Variants in GOLGA1 observed in about 807,000 individuals in gnomAD.
GOLGA1 encodes the protein golgin A1, also known as golgin subfamily A member 1.
A neutral mutation model predicts 119.7 loss-of-function variants in GOLGA1; 63 were observed. The ratio of observed to expected loss-of-function variants is 0.53; its 90% CI spans 0.43 to 0.65. The LOEUF (loss-of-function observed/expected upper bound fraction) is 0.65. Among genes scored for constraint, GOLGA1 ranks in the 30% least tolerant of loss-of-function variants. The probability of loss-of-function intolerance (pLI) is 0.00; values close to 1 mark genes in which losing one functional copy is unlikely to be tolerated. For missense variants in GOLGA1, 798 were observed against 912.8 expected, an observed-to-expected ratio of 0.87 and a Z score of 1.62; for synonymous variants, 318 against 333.4, an observed-to-expected ratio of 0.95 and a Z score of 0.50.
In GOLGA1 at chr9:124,884,883, G is replaced by C. The variant is rs17249612; in HGVS notation, c.1906-2314C>G. ...AGAAACGGCAACAAAAAAGTCAAAAGTTCACCCTCGAGGGGAAAAGAATCA... is the reference window on the plus strand; with the variant it reads ...AGAAACGGCAACAAAAAAGTCAAAACTTCACCCTCGAGGGGAAAAGAATCA... On this transcript the variant is annotated intron_variant, in intron 19 of 22. Coordinates refer to ENST00000373555, the MANE Select transcript of GOLGA1 (RefSeq NM_002077.4). 1.4e-3 allele frequency among the ~76,000 whole-genome samples: 207 copies of C among 152,264 alleles called. 2 individuals carry two copies. Among genetic ancestry groups the C allele is most frequent in the South Asian group, 4.8e-3 (23 of 4,828 alleles).
In GOLGA1 at chr9:124,938,871, A is replaced by C; in HGVS notation, c.-155-5T>G. 1.9e-6 allele frequency: 1 copy of C among 519,174 alleles called. No individual in the cohort carries two copies. Among genetic ancestry groups the C allele is most frequent in the Non-Finnish European group, 3.4e-6 (1 of 297,990 alleles). The allele number at this position is 519,174 out of a possible 1,614,324, so 32.2% of individuals were successfully genotyped here. A position where few individuals can be genotyped will look rare whatever the true frequency, so the allele number is the denominator to read the frequency against. On this transcript the variant is annotated splice_region_variant and splice_polypyrimidine_tract_variant and intron_variant, in intron 2 of 22. Coordinates refer to ENST00000373555, the MANE Select transcript of GOLGA1 (RefSeq NM_002077.4). ...GGGCTTATGGCAACACAGGATCTACAAATCAGATGAAAGAGACAGTTCAAA... is the reference window on the plus strand; with the variant it reads ...GGGCTTATGGCAACACAGGATCTACCAATCAGATGAAAGAGACAGTTCAAA...
intron 3 of GOLGA1, among the ~76,000 whole-genome samples, chr9:124,934,463 G>A (rs1487974884): frequency 6.6e-6 from 1 of 152,172 alleles, no homozygotes; most frequent in South Asian, 2.1e-4. Flanking sequence ...GAATGCAGGA[G>A]TGAAAGGGGA....
At chr9:124,920,368 G>C (rs1830542304) in intron 10 of GOLGA1, among the ~76,000 whole-genome samples, 1 of 151,386 alleles carries the variant, frequency 6.6e-6, no homozygotes. Context: ...CAAAGTGCTA[G>C]GACTACAGGC....
Position 124,879,630 on chromosome 9 carries a change from A to G in GOLGA1, c.*900T>C, listed in dbSNP as rs2131348377. On this transcript the variant is annotated 3_prime_UTR_variant, in exon 23 of 23. Coordinates refer to ENST00000373555, the MANE Select transcript of GOLGA1 (RefSeq NM_002077.4). ...CACACGAGATCCCACTGCACTTCAG[A>G]GGGAGCAGTGCCAGAGTGCGAGTGA... 1 of 151,520 alleles carries G rather than the reference A, an allele frequency of 6.6e-6. No homozygotes were observed. The highest frequency in any genetic ancestry group is 1.9e-4 in the East Asian group (1 of 5,184). 9.4% of individuals were successfully genotyped at this position (151,520 alleles called of 1,614,324 possible). A position where few individuals can be genotyped will look rare whatever the true frequency, so the allele number is the denominator to read the frequency against.
At chr9:124,911,690 T>C (rs1429337283) in intron 11 of GOLGA1, among the ~76,000 whole-genome samples, 3 of 152,008 alleles carry the variant, frequency 2.0e-5, no homozygotes, top group Non-Finnish European at 4.4e-5. Context: ...TATCTCTGAA[T>C]ACAGCTCTCC....
At chr9:124,944,827 CAA>C (rs1320793636), upstream of GOLGA1, 1 of 152,056 alleles carries the variant, frequency 6.6e-6, no homozygotes, top group Non-Finnish European at 1.5e-5. Flanking sequence ...TTACAAATCT[CAA>C]CTTTTAATCA....
Position 124,917,205 on chromosome 9 carries a change from G to T in GOLGA1, c.843+3924C>A, listed in dbSNP as rs547697898. ...CTTACTTCCAAAGGAAAAAGGAATG[G>T]GATGGAATAGTGAAGGGCACAGAGG... On this transcript the variant is annotated intron_variant, in intron 10 of 22. Transcript: ENST00000373555. 5.9e-5 allele frequency among the ~76,000 whole-genome samples: 9 copies of T among 152,238 alleles called. 1 individual carries two copies. Among genetic ancestry groups the T allele is most frequent in the African/African-American group, 2.2e-4 (9 of 41,552 alleles).
rs573683139 is a variant in GOLGA1 at position 124,888,990 on chromosome 9, C to A, written c.1761+153G>T. On this transcript the variant is annotated intron_variant, in intron 18 of 22. Transcript: ENST00000373555. This position sits in a 1 kb window ranked among gnomAD's most constrained non-coding sequence, Gnocchi z 4.4. ...CTGGGATTACAGGCGTGAGCCACTGCGCCTGGCCAAGTGCCCTACTTCAAA... is the reference window on the plus strand; with the variant it reads ...CTGGGATTACAGGCGTGAGCCACTGAGCCTGGCCAAGTGCCCTACTTCAAA... Among the ~76,000 whole-genome samples the A allele has an allele frequency of 2.0e-5, 3 of 152,332 alleles. No individual in the cohort carries two copies. The highest frequency in any genetic ancestry group is 6.5e-5 in the Admixed American group (1 of 15,308).
rs1830047756 is a variant in GOLGA1, at chr9:124,899,296, C to T, written c.1311+33G>A. 10 of 1,522,486 alleles carry T rather than the reference C, an allele frequency of 6.6e-6. No individual in the cohort carries two copies. The East Asian group carries it at 2.2e-4, about 34-fold the overall frequency. 94.3% of individuals were successfully genotyped at this position (1,522,486 alleles called of 1,614,324 possible). On this transcript the variant is annotated intron_variant, in intron 14 of 22. Coordinates refer to ENST00000373555, the MANE Select transcript of GOLGA1 (RefSeq NM_002077.4). ...CTTCGCTGTGGGGGACCCTGGTGCT[C>T]CTGGGCCCACCCTCTCTTAGCTCTT...
At chr9:124,935,967 C>A (rs1012401596) in intron 3 of GOLGA1, among the ~76,000 whole-genome samples, 5 of 152,056 alleles carry the variant, frequency 3.3e-5, no homozygotes, top group African/African-American at 1.2e-4. Context: ...GAGGAGGGAT[C>A]TGTTTGGAGA....
intron 8 of GOLGA1, among the ~76,000 whole-genome samples, chr9:124,922,415 T>C (rs1211738161): frequency 1.3e-5 from 2 of 148,166 alleles, no homozygotes; most frequent in African/African-American, 5.0e-5. Context: ...TAGCCGGGCA[T>C]GGTAGTGCGC....
chr9:124,917,312 T>A (rs1830465886), intron 10 of GOLGA1, among the ~76,000 whole-genome samples: 1 of 152,192 alleles, frequency 6.6e-6, no homozygotes, highest in South Asian at 2.1e-4. Context: ...ATACTTTCTA[T>A]CATACTCATA....
At chr9:124,936,731 G>A (rs1031183916) in intron 3 of GOLGA1, among the ~76,000 whole-genome samples, 2 of 152,168 alleles carry the variant, frequency 1.3e-5, no homozygotes, top group South Asian at 2.1e-4. Context: ...GATTACAGGC[G>A]TGAGCTTCTG....
At chr9:124,939,750 C>A (rs1258647390) in intron 2 of GOLGA1, among the ~76,000 whole-genome samples, 2 of 151,872 alleles carry the variant, frequency 1.3e-5, no homozygotes, top group South Asian at 4.2e-4. Flanking sequence ...TTAGTAGAGA[C>A]GAGGTTTCTC....
Position 124,880,217 on chromosome 9 carries a change from G to GT in GOLGA1, c.*312dup, listed in dbSNP as rs1829543700. On this transcript the variant is annotated 3_prime_UTR_variant, in exon 23 of 23. Transcript: ENST00000373555. ...CTGCCAGATGCTGATGGCTTCAGCT[G>GT]TAAGTGCTACCGTGAAGTTAGAGGA... 4.2e-6 allele frequency: 1 copy of GT among 238,010 alleles called. No homozygotes were observed. Among genetic ancestry groups the GT allele is most frequent in the East Asian group, 1.1e-4 (1 of 9,444 alleles). 14.7% of individuals were successfully genotyped at this position (238,010 alleles called of 1,614,324 possible).
At chr9:124,928,672 CA>C (rs1830716694) in intron 5 of GOLGA1, among the ~76,000 whole-genome samples, 2 of 152,070 alleles carry the variant, frequency 1.3e-5, no homozygotes, top group Admixed American at 1.3e-4. Flanking sequence ...AAAATCAAAA[CA>C]AACAAAAAAC....
rs761337931 is a variant in GOLGA1, at chr9:124,889,587, T to C, written c.1498-51A>G. On this transcript the variant is annotated intron_variant, in intron 16 of 22. Transcript: ENST00000373555. The stretch of plus-strand genomic sequence containing the variant: ...GAAGGTTGTGAGCAGTGACTCCATC[T>C]TCCCACAGAAATCTCCACTTCCCCG... The C allele has an allele frequency of 7.5e-6, 9 of 1,193,444 alleles. No individual in the cohort carries two copies. In the Admixed American group the frequency reaches 1.2e-4, roughly 16 times the overall value. 73.9% of individuals were successfully genotyped at this position (1,193,444 alleles called of 1,614,324 possible). A position where few individuals can be genotyped will look rare whatever the true frequency, so the allele number is the denominator to read the frequency against.
At chr9:124,891,305 C>T (rs973624620) in intron 15 of GOLGA1, among the ~76,000 whole-genome samples, 30 of 152,344 alleles carry the variant, frequency 2.0e-4, no homozygotes, top group African/African-American at 6.7e-4. Context: ...CACCCATGCA[C>T]GGCTGCCTCT....
At chr9:124,926,148 G>C (rs112357515) in intron 7 of GOLGA1, among the ~76,000 whole-genome samples, 1 of 152,184 alleles carries the variant, frequency 6.6e-6, no homozygotes, top group Non-Finnish European at 1.5e-5. Flanking sequence ...TCAAAGCTGT[G>C]GGATGGGTAA....
Sources: allele counts gnomAD v4.1 joint callset (sites outside exome capture counted in the v4.1 genomes callset), GRCh38; gene constraint gnomAD v4.1.1; non-coding constraint Gnocchi (gnomAD v3.1); transcripts MANE v1.5; gene names NCBI Gene and HGNC (gene_info 2026-07-23, HGNC 2026-07-21).